The following NBAS variants were observed in gnomAD, a reference collection of about 807,000 sequenced individuals.
NBAS encodes NBAS subunit of NRZ tethering complex.
In NBAS, 219 loss-of-function variants were observed where a neutral mutation model predicts 302.5. The observed-to-expected ratio is 0.72, with a 90% confidence interval of 0.65 to 0.81. The LOEUF is 0.81. Among genes scored for constraint, NBAS ranks in the 30% least tolerant of loss-of-function variants. NBAS has a pLI of 0.00. For missense variants in NBAS, 2,932 were observed against 2,841.6 expected, an observed-to-expected ratio of 1.03 and a Z score of -0.72; for synonymous variants, 1,118 against 1,021.6, an observed-to-expected ratio of 1.09 and a Z score of -1.80.
the NBAS span, among the ~76,000 whole-genome samples, chr2:15,142,929 G>A: frequency 1.3e-5 from 2 of 152,186 alleles, no homozygotes; most frequent in Non-Finnish European, 2.9e-5. Flanking sequence ...TAAAGGTTGA[G>A]CAAAGGGTGC....
chr2:15,234,658 A>G lies in NBAS; in HGVS notation c.6033T>C (p.Asp2011=), dbSNP rs1405408975. 6.2e-7 allele frequency: 1 copy of G among 1,614,196 alleles called. No individual in the cohort carries two copies. Among genetic ancestry groups the G allele is most frequent in the Non-Finnish European group, 8.5e-7 (1 of 1,180,012 alleles). Residue 2011 remains aspartate, a synonymous_variant, in exon 46 of 52, where the codon GAT becomes GAC. Coordinates refer to ENST00000281513, the MANE Select transcript of NBAS (RefSeq NM_015909.4). The part of the protein sequence containing the change: ...LHDEAVAICL[D]GQPLAMIQQL... ...GCTGAATCATTGCTAGAGGCTGACC[A>G]TCTAAACAAATAGCCACAGCTTCAT...
chr2:15,192,656 G>A (rs1422514816), intron 48 of NBAS, among the ~76,000 whole-genome samples: 1 of 152,134 alleles, frequency 6.6e-6, no homozygotes, highest in East Asian at 1.9e-4. Context: ...TGAAATCTCA[G>A]AAGTTTTGCT....
chr2:14,808,661 C>A, the NBAS span, among the ~76,000 whole-genome samples: 1 of 152,170 alleles, frequency 6.6e-6, no homozygotes, highest in East Asian at 1.9e-4. Flanking sequence ...TCTCTATCAG[C>A]AGCATGAAAA....
the NBAS span, among the ~76,000 whole-genome samples, chr2:14,873,818 C>T: frequency 1.3e-5 from 2 of 149,926 alleles, no homozygotes; most frequent in Admixed American, 6.6e-5. Flanking sequence ...GTGGCTAAGG[C>T]AGTACTTAAA....
At chr2:15,235,016 T>C (rs558579999) in intron 45 of NBAS, among the ~76,000 whole-genome samples, 69 of 152,248 alleles carry the variant, frequency 4.5e-4, no homozygotes, top group African/African-American at 1.6e-3. Flanking sequence ...GAAAATAGGG[T>C]CGTGTGAATA....
intron 51 of NBAS, among the ~76,000 whole-genome samples, chr2:15,168,419 C>G (rs953380793): frequency 6.6e-6 from 1 of 152,174 alleles, no homozygotes; most frequent in Non-Finnish European, 1.5e-5. Flanking sequence ...TAAAATCCTG[C>G]CCACTATCGG....
chr2:15,017,337 AG>A, the NBAS span, among the ~76,000 whole-genome samples: 3 of 152,118 alleles, frequency 2.0e-5, no homozygotes, highest in Non-Finnish European at 4.4e-5. Flanking sequence ...CAAATAAAAA[AG>A]CTTCGTCACA....
At chr2:14,907,171 G>A in the NBAS span, among the ~76,000 whole-genome samples, 3 of 152,360 alleles carry the variant, frequency 2.0e-5, no homozygotes, top group East Asian at 5.8e-4. Context: ...GGCCTCTAGT[G>A]AGAGAGTGGA....
intron 28 of NBAS, among the ~76,000 whole-genome samples, chr2:15,387,143 T>A (rs1015659446): frequency 7.9e-5 from 12 of 151,304 alleles, no homozygotes; most frequent in African/African-American, 2.9e-4. Context: ...TCTCAGCTCA[T>A]TGCAAGCTCT....
chr2:15,526,491 T>C (rs1455128057), intron 9 of NBAS, among the ~76,000 whole-genome samples: 1 of 152,102 alleles, frequency 6.6e-6, no homozygotes, highest in African/African-American at 2.4e-5. Flanking sequence ...ATGATAAACA[T>C]CACAGGCCCA....
At chr2:15,534,702 T>C (rs1227351807) in intron 8 of NBAS, 61 bp from the exon 9 acceptor site, 2 of 1,185,066 alleles carry the variant, frequency 1.7e-6, no homozygotes, top group African/African-American at 3.0e-5. Flanking sequence ...TATCACTAAA[T>C]ACCCAATAAA....
At chr2:15,469,126 A>G (rs1044061709) in intron 16 of NBAS, among the ~76,000 whole-genome samples, 2 of 152,118 alleles carry the variant, frequency 1.3e-5, no homozygotes, top group African/African-American at 2.4e-5. Flanking sequence ...TGGTCTATCA[A>G]TTTTGTTGAT....
the NBAS span, among the ~76,000 whole-genome samples, chr2:15,037,769 T>C: frequency 6.6e-6 from 1 of 152,168 alleles, no homozygotes; most frequent in African/African-American, 2.4e-5. Context: ...TTTGATCCTC[T>C]TTTCATATGA....
the NBAS span, among the ~76,000 whole-genome samples, chr2:15,104,179 G>C: frequency 6.6e-6 from 1 of 152,218 alleles, no homozygotes; most frequent in Admixed American, 6.5e-5. Flanking sequence ...CCCTGCACAA[G>C]GTCTCTTGCC....
At chr2:14,854,443 GA>G in the NBAS span, among the ~76,000 whole-genome samples, 9 of 150,504 alleles carry the variant, frequency 6.0e-5, no homozygotes, top group Admixed American at 6.0e-4. Context: ...CATCTACACA[GA>G]AAAAAAACCC....
In NBAS at chr2:15,330,772, TAAAG is replaced by T; in HGVS notation, c.4180-11_4180-8del. 6.2e-7 allele frequency: 1 copy of T among 1,613,380 alleles called. No homozygotes were observed. Among genetic ancestry groups the T allele is most frequent in the Non-Finnish European group, 8.5e-7 (1 of 1,179,692 alleles). ...CTGGAACACCTACTTCATCCTGTATTAAAGAAACAAAATAGCAAGGGCAAAAATG... is the reference window on the plus strand; with the variant it reads ...CTGGAACACCTACTTCATCCTGTATTAAACAAAATAGCAAGGGCAAAAATG... On this transcript the variant is annotated splice_region_variant and splice_polypyrimidine_tract_variant and intron_variant, in intron 35 of 51. Coordinates refer to ENST00000281513, the MANE Select transcript of NBAS (RefSeq NM_015909.4).
the NBAS span, among the ~76,000 whole-genome samples, chr2:14,990,220 C>A: frequency 2.7e-5 from 4 of 147,398 alleles, no homozygotes; most frequent in Non-Finnish European, 5.9e-5. Context: ...TGAGAGAAGC[C>A]TGGCTGACAT....
chr2:14,839,155 A>G, the NBAS span, among the ~76,000 whole-genome samples: 5 of 151,784 alleles, frequency 3.3e-5, no homozygotes, highest in Non-Finnish European at 1.5e-5. Flanking sequence ...CAGAAATCTA[A>G]TATGAGGATG....
At chr2:15,105,891 T>C in the NBAS span, among the ~76,000 whole-genome samples, 2 of 152,094 alleles carry the variant, frequency 1.3e-5, no homozygotes, top group Non-Finnish European at 2.9e-5. Context: ...TAAGACTTGT[T>C]TGGAATATAG....
Sources: gnomAD v4.1 joint callset for allele counts (sites outside exome capture counted in the v4.1 genomes callset) on GRCh38, gnomAD v4.1.1 for gene constraint, MANE v1.5 for transcripts, NCBI Gene and HGNC (gene_info 2026-07-23, HGNC 2026-07-21) for gene names.